SMARCC2: variants seen among roughly 807,000 people sequenced by gnomAD.
SMARCC2 encodes SWI/SNF related BAF chromatin remodeling complex subunit C2.
In SMARCC2, 15 loss-of-function variants were observed where a neutral mutation model predicts 151.3. The observed-to-expected ratio is 0.10, with a 90% CI of 0.07 to 0.15. The LOEUF (loss-of-function observed/expected upper bound fraction) is 0.15. Ranked by LOEUF, SMARCC2 falls within the 10% of genes least tolerant of loss-of-function variation. The pLI is 1.00. For synonymous variants in SMARCC2, 590 were observed against 609.5 expected (o/e 0.97, Z 0.47); for missense variants, 1,031 against 1,599.7 (o/e 0.64, Z 6.06).
intron 12 of SMARCC2, 44 bp downstream of exon 12, chr12:56,178,953 T>C: frequency 6.2e-7 from 1 of 1,608,100 alleles, no homozygotes; most frequent in Non-Finnish European, 8.5e-7. Flanking sequence ...AGCCCTCCCC[T>C]TCCCTTGGCT....
intron 3 of SMARCC2, chr12:56,185,365 T>C: frequency 2.4e-6 from 1 of 421,820 alleles, no homozygotes; most frequent in Non-Finnish European, 4.4e-6. Flanking sequence ...TTTTAGTAAG[T>C]AGAGACGAGG....
intron 1 of SMARCC2, among the ~76,000 whole-genome samples, chr12:56,187,526 G>C (rs1877487418): frequency 1.3e-5 from 2 of 152,140 alleles, no homozygotes; most frequent in East Asian, 3.8e-4. Context: ...GCCAGTGTTG[G>C]GGGGAACAGG....
Position 56,183,846 on chromosome 12 carries a change from G to A in SMARCC2, c.632+15C>T, listed in dbSNP as rs372606713. On this transcript the variant is annotated intron_variant, in intron 7 of 28. Coordinates refer to ENST00000550164, the MANE Select transcript of SMARCC2 (RefSeq NM_001330288.2). Reference sequence around the variant, plus strand: ...GGCTCTTATACTTAAACCTGCCCCAGGAACCCATCCTCACCTGTCAGGATA... The same window carrying A: ...GGCTCTTATACTTAAACCTGCCCCAAGAACCCATCCTCACCTGTCAGGATA... The A allele has an allele frequency of 1.6e-5, 25 of 1,606,868 alleles. No individual in the cohort carries two copies. Among genetic ancestry groups the A allele is most frequent in the Non-Finnish European group, 2.0e-5 (23 of 1,174,332 alleles).
rs542155768 is a variant in SMARCC2 at position 56,178,027 on chromosome 12, T to A, written c.1377A>T (p.Pro459=). The A allele has an allele frequency of 6.2e-7, 1 of 1,607,222 alleles. No homozygotes were observed. Among genetic ancestry groups the A allele is most frequent in the South Asian group, 1.1e-5 (1 of 90,888 alleles). Residue 459 remains proline (P), a synonymous_variant, in exon 15 of 29, where the codon CCA becomes CCT. Transcript: ENST00000550164. ...FFNGKNKSKT[P]EIYLAYRNFM... is the part of the protein sequence containing the mutation. The stretch of plus-strand genomic sequence containing the variant: ...ATGAGATGAGATTTCCTTACATCTC[T>A]GGAGTCTTGGACTTGTTCTTGCCGT...
rs560040700 is a variant in SMARCC2 at position 56,177,323 on chromosome 12, C to T, written c.1382+699G>A. ...GCAGTGGTGTGATCATGGCTCACTG[C>T]AGCCTCAAACTCCTGGGCTCAAGCA... is the stretch of plus-strand genomic sequence containing the variant. On this transcript the variant is annotated intron_variant, in intron 15 of 28. Transcript: ENST00000550164. Among the ~76,000 whole-genome samples the T allele has an allele frequency of 7.2e-5, 11 of 152,296 alleles. No individual in the cohort carries two copies. The South Asian group carries it at 2.3e-3, about 32-fold the overall frequency.
At chr12:56,182,823 A>G (rs947998503) in intron 7 of SMARCC2, among the ~76,000 whole-genome samples, 5 of 145,216 alleles carry the variant, frequency 3.4e-5, no homozygotes, top group African/African-American at 1.3e-4. Context: ...TAACCATACT[A>G]GATGATATTT....
intron 2 of SMARCC2, among the ~76,000 whole-genome samples, 173 bp from the exon 3 acceptor site, chr12:56,186,413 C>T (rs1056443108): frequency 1.3e-5 from 2 of 148,770 alleles, no homozygotes; most frequent in East Asian, 2.0e-4. Flanking sequence ...TGCAATGGCG[C>T]GATCTTGGCT....
intron 25 of SMARCC2, among the ~76,000 whole-genome samples, chr12:56,168,874 G>C (rs1277904995): frequency 6.6e-6 from 1 of 152,234 alleles, no homozygotes; most frequent in East Asian, 1.9e-4. Flanking sequence ...TAGCTACTTG[G>C]GAGGCTGAGG....
In SMARCC2 at chr12:56,181,871, C is replaced by G. The variant is rs1876278058; in HGVS notation, c.709-36G>C. On this transcript the variant is annotated intron_variant, in intron 8 of 28. Transcript: ENST00000550164. Reference sequence around the variant, plus strand: ...AAGGCAGATCATGCTGCAGAGAAGCCTGGAAGCCACAGCTCTGTCTGGGGA... The same window carrying G: ...AAGGCAGATCATGCTGCAGAGAAGCGTGGAAGCCACAGCTCTGTCTGGGGA... The G allele has an allele frequency of 4.3e-6, 7 of 1,613,760 alleles. No individual in the cohort carries two copies. In the Admixed American group the frequency reaches 1.0e-4, roughly 23 times the overall value.
intron 5 of SMARCC2, chr12:56,184,457 A>T (rs1021652125): frequency 3.1e-5 from 18 of 579,534 alleles, no homozygotes; most frequent in Non-Finnish European, 5.2e-5. Flanking sequence ...TGCCAAAAAT[A>T]ATCTTCTGAA....
chr12:56,182,633 T>G (rs1425028141), intron 7 of SMARCC2, among the ~76,000 whole-genome samples: 1 of 151,162 alleles, frequency 6.6e-6, no homozygotes, highest in Non-Finnish European at 1.5e-5. Context: ...GGGGTTTTTG[T>G]TTTTGTTAAG....
chr12:56,169,978 GC>G, intron 23 of SMARCC2, 67 bp from the exon 24 acceptor site: 1 of 1,503,510 alleles, frequency 6.7e-7, no homozygotes, highest in Non-Finnish European at 9.2e-7. Flanking sequence ...ACACAGAGGG[GC>G]CAGACGGGGA....
Position 56,174,668 on chromosome 12 carries a change from A to G in SMARCC2, c.1479T>C (p.Asp493=), listed in dbSNP as rs1874592920. The change falls in exon 16 of 29, where the codon GAT becomes GAC. Residue 493 remains aspartate, a synonymous_variant. Coordinates refer to ENST00000550164, the MANE Select transcript of SMARCC2 (RefSeq NM_001330288.2). ...STACRRNLAG[D]VCAIMRVHAF... Reference sequence around the variant, plus strand: ...AGACCCACCTCATGATGGCACAGACATCACCCGCTAGGTTTCGGCGGCAGG... The same window carrying G: ...AGACCCACCTCATGATGGCACAGACGTCACCCGCTAGGTTTCGGCGGCAGG... 14 of 1,613,046 alleles carry G rather than the reference A, an allele frequency of 8.7e-6. No homozygotes were observed. The highest frequency in any genetic ancestry group is 1.3e-5 in the African/African-American group (1 of 74,872).
intron 15 of SMARCC2, among the ~76,000 whole-genome samples, chr12:56,175,765 C>T (rs966696574): frequency 1.1e-4 from 16 of 151,974 alleles, no homozygotes; most frequent in African/African-American, 3.4e-4. Flanking sequence ...CTAAGGTTGA[C>T]GTAAAGATTA....
chr12:56,170,344 T>C (rs1873695897), intron 22 of SMARCC2, 136 bp from the exon 23 acceptor site: 1 of 731,500 alleles, frequency 1.4e-6, no homozygotes, highest in South Asian at 1.6e-5. Context: ...GCCCACGCAA[T>C]CCTCCCACCT....
intron 27 of SMARCC2, 69 bp downstream of exon 27, chr12:56,165,249 C>G (rs1417248483): frequency 1.4e-6 from 2 of 1,437,316 alleles, no homozygotes; most frequent in Admixed American, 5.3e-5. Context: ...CTTGTATCCC[C>G]TTTGAGGAGA....
rs1443201847 is a variant in SMARCC2 at position 56,172,716 on chromosome 12, G to T, written c.1744-12C>A. ...GAAGCAGAGGTCTGCTATTTGTGGAGGGAAAGAAACAGGTGAGTACAAGTG... is the reference window on the plus strand; with the variant it reads ...GAAGCAGAGGTCTGCTATTTGTGGATGGAAAGAAACAGGTGAGTACAAGTG... On this transcript the variant is annotated splice_polypyrimidine_tract_variant and intron_variant, in intron 18 of 28. Transcript: ENST00000550164. The T allele has an allele frequency of 6.2e-7, 1 of 1,613,922 alleles. No homozygotes were observed. The highest frequency in any genetic ancestry group is 1.1e-5 in the South Asian group (1 of 91,038).
chr12:56,179,927 C>T (rs11171768), intron 11 of SMARCC2, among the ~76,000 whole-genome samples: 3,988 of 152,096 alleles, frequency 0.026, 89 homozygotes, highest in Middle Eastern at 0.051. Context: ...CCTCGTGATC[C>T]GCCTGCCTCG....
chr12:56,183,194 G>T (rs565552361), intron 7 of SMARCC2: 4 of 153,016 alleles, frequency 2.6e-5, no homozygotes, highest in African/African-American at 9.7e-5. Context: ...TCGCTCTGTC[G>T]CCCAGGCTAG....
Sources: gnomAD v4.1 joint callset for allele counts (sites outside exome capture counted in the v4.1 genomes callset) on GRCh38, gnomAD v4.1.1 for gene constraint, MANE v1.5 for transcripts, NCBI Gene and HGNC (gene_info 2026-07-23, HGNC 2026-07-21) for gene names.